NRXN1: variants seen among roughly 807,000 people sequenced by gnomAD.
The protein encoded by NRXN1 is neurexin 1, also known as neurexin-1.
NRXN1 carries 39 observed loss-of-function variants against 150.9 expected under a neutral mutation model. That is an observed-to-expected ratio of 0.26 (90% confidence interval 0.20 to 0.34). NRXN1 has a LOEUF of 0.34. NRXN1 is among the 10% of genes least tolerant of loss of function. The probability of loss-of-function intolerance (pLI) is 1.00; values close to 1 mark genes in which losing one functional copy is unlikely to be tolerated. For synonymous variants in NRXN1, 924 were observed against 757.0 expected (o/e 1.22, Z -3.62); for missense variants, 1,815 against 1,949.9 (o/e 0.93, Z 1.30).
intron 8 of NRXN1, among the ~76,000 whole-genome samples, chr2:50,580,098 A>G (rs548748440): frequency 1.3e-5 from 2 of 152,332 alleles, no homozygotes; most frequent in South Asian, 4.1e-4. Context: ...ACATGAAATA[A>G]CTATTCAATA....
intron 12 of NRXN1, among the ~76,000 whole-genome samples, chr2:50,510,485 CAAAAAAAAAAAAAAAAAAA>C (rs540578029): frequency 5.0e-5 from 2 of 39,686 alleles, no homozygotes; most frequent in African/African-American, 2.0e-4. Context: ...GACTCCATCT[CAAAAAAAAAAAAAAAAAAA>C]AAAAAAAAAC....
intron 21 of NRXN1, among the ~76,000 whole-genome samples, chr2:49,996,228 G>A (rs1345742500): frequency 6.6e-6 from 1 of 152,178 alleles, no homozygotes; most frequent in Admixed American, 6.6e-5. Context: ...CTTACAGGGA[G>A]GAATTGCAGA....
intron 8 of NRXN1, among the ~76,000 whole-genome samples, chr2:50,571,694 T>A (rs1023296099): frequency 2.0e-5 from 3 of 152,014 alleles, no homozygotes; most frequent in African/African-American, 7.3e-5. Context: ...CATTTCAACA[T>A]TAGATGGGAG....
At chr2:50,352,776 T>TAATAATAATATAATAATA (rs1478736717) in intron 17 of NRXN1, among the ~76,000 whole-genome samples, 9 of 84,028 alleles carry the variant, frequency 1.1e-4, no homozygotes, top group African/African-American at 1.6e-4. Context: ...ATAATAATAA[T>TAATAATAATATAATAATA]ATTATAATAA....
intron 5 of NRXN1, among the ~76,000 whole-genome samples, chr2:50,772,864 T>C (rs962936759): frequency 7.9e-5 from 12 of 152,106 alleles, no homozygotes; most frequent in African/African-American, 2.4e-4. Context: ...TTATGGGCTG[T>C]AGATATTCAT....
chr2:50,933,771 T>C (rs1372352139), intron 2 of NRXN1, among the ~76,000 whole-genome samples: 1 of 152,078 alleles, frequency 6.6e-6, no homozygotes, highest in Admixed American at 6.6e-5. Context: ...CTTTTTAATG[T>C]TTTCCTGAAA....
chr2:50,813,505 T>A (rs924279227), intron 5 of NRXN1, among the ~76,000 whole-genome samples: 1 of 152,174 alleles, frequency 6.6e-6, no homozygotes, highest in African/African-American at 2.4e-5. Flanking sequence ...AAATCGTTGA[T>A]TATTAGCAAT....
chr2:50,032,389 A>G (rs1292665910), intron 21 of NRXN1, among the ~76,000 whole-genome samples: 1 of 152,088 alleles, frequency 6.6e-6, no homozygotes, highest in Non-Finnish European at 1.5e-5. Flanking sequence ...CAAGAAGACT[A>G]GTTGGGAAAT....
chr2:50,355,585 T>C (rs879078886), intron 17 of NRXN1, among the ~76,000 whole-genome samples: 1 of 152,122 alleles, frequency 6.6e-6, no homozygotes, highest in Non-Finnish European at 1.5e-5. Flanking sequence ...CTTTGACATA[T>C]CCCATGCTAT....
intron 21 of NRXN1, among the ~76,000 whole-genome samples, chr2:50,012,840 T>C (rs1685937887): frequency 6.6e-6 from 1 of 152,128 alleles, no homozygotes; most frequent in African/African-American, 2.4e-5. Context: ...TGAGTATTGT[T>C]TTGTATTATT....
At chr2:50,760,583 G>A (rs1286964664) in intron 5 of NRXN1, among the ~76,000 whole-genome samples, 2 of 151,486 alleles carry the variant, frequency 1.3e-5, no homozygotes, top group African/African-American at 2.4e-5. Context: ...TCTTGTTAAG[G>A]TACTAGCCAC....
chr2:50,314,000 GA>G (rs908122997), intron 17 of NRXN1, among the ~76,000 whole-genome samples: 4 of 151,906 alleles, frequency 2.6e-5, no homozygotes, highest in African/African-American at 9.7e-5. Flanking sequence ...TATAATTATT[GA>G]AAAAAATAAT....
At chr2:50,529,923 G>C (rs192986355) in intron 11 of NRXN1, among the ~76,000 whole-genome samples, 1 of 152,052 alleles carries the variant, frequency 6.6e-6, no homozygotes, top group African/African-American at 2.4e-5. Flanking sequence ...ATGATTATAT[G>C]CAATAAGATA....
intron 18 of NRXN1, among the ~76,000 whole-genome samples, chr2:50,160,334 A>G (rs933352065): frequency 2.0e-5 from 3 of 152,094 alleles, no homozygotes; most frequent in African/African-American, 7.2e-5. Flanking sequence ...TTAGGTCAGG[A>G]GTTCGAAACC....
intron 22 of NRXN1, among the ~76,000 whole-genome samples, chr2:49,931,098 C>T (rs1244992730): frequency 6.6e-6 from 1 of 152,132 alleles, no homozygotes; most frequent in Admixed American, 6.5e-5. Flanking sequence ...TGTCACTGCC[C>T]TCCAGCCTGG....
chr2:50,631,319 A>G, intron 5 of NRXN1: 1 of 293,830 alleles, frequency 3.4e-6, no homozygotes, highest in Non-Finnish European at 6.6e-6. Context: ...CCAAGCTTCT[A>G]TCAAATAATT....
intron 17 of NRXN1, among the ~76,000 whole-genome samples, chr2:50,451,849 T>A (rs962923868): frequency 3.9e-5 from 6 of 152,224 alleles, no homozygotes; most frequent in African/African-American, 7.2e-5. Flanking sequence ...AGAAATATAT[T>A]TAACATATCA....
At chr2:50,800,767 C>A (rs1407227423) in intron 5 of NRXN1, among the ~76,000 whole-genome samples, 2 of 152,098 alleles carry the variant, frequency 1.3e-5, no homozygotes, top group Non-Finnish European at 2.9e-5. Flanking sequence ...TCAGCCTGTT[C>A]TCGAACTCCT....
intron 12 of NRXN1, among the ~76,000 whole-genome samples, chr2:50,524,619 A>G (rs1466272638): frequency 6.6e-6 from 1 of 152,108 alleles, no homozygotes; most frequent in Non-Finnish European, 1.5e-5. Context: ...AATAGAAAGC[A>G]TAAGAAAACC....
Sources: allele counts gnomAD v4.1 joint callset (sites outside exome capture counted in the v4.1 genomes callset), GRCh38; gene constraint gnomAD v4.1.1; transcripts MANE v1.5; gene names NCBI Gene and HGNC (gene_info 2026-07-23, HGNC 2026-07-21).